KLF12: variants seen among roughly 807,000 people sequenced by gnomAD.
KLF12 encodes Krueppel-like factor 12.
In KLF12, 9 loss-of-function variants were observed where a neutral mutation model predicts 37.8. The observed-to-expected ratio is 0.24, with a 90% CI of 0.14 to 0.42. KLF12 has a LOEUF of 0.42. Among genes scored for constraint, KLF12 ranks in the 10% least tolerant of loss-of-function variants. KLF12 has a pLI of 1.00. For synonymous variants in KLF12, 208 were observed against 202.1 expected, an observed-to-expected ratio of 1.03 and a Z score of -0.25; for missense variants, 411 against 516.0, an observed-to-expected ratio of 0.80 and a Z score of 1.97.
intron 2 of KLF12, among the ~76,000 whole-genome samples, chr13:73,971,509 C>A (rs1891339110): frequency 6.6e-6 from 1 of 151,022 alleles, no homozygotes; most frequent in South Asian, 2.1e-4. Flanking sequence ...ACCTCCATGA[C>A]AGTATCTTTT....
chr13:74,131,564 G>A (rs1240030418), intron 1 of KLF12, among the ~76,000 whole-genome samples: 1 of 152,168 alleles, frequency 6.6e-6, no homozygotes, highest in Non-Finnish European at 1.5e-5. Context: ...GGGAGGTGGA[G>A]AATATTAAGG....
At chr13:73,742,137 T>C (rs1878042807) in intron 6 of KLF12, among the ~76,000 whole-genome samples, 1 of 152,042 alleles carries the variant, frequency 6.6e-6, no homozygotes. Context: ...GCAGAGTATT[T>C]AGAGATATAA....
intron 2 of KLF12, among the ~76,000 whole-genome samples, chr13:73,971,587 A>G (rs1891343043): frequency 6.6e-6 from 1 of 152,190 alleles, no homozygotes; most frequent in Non-Finnish European, 1.5e-5. Context: ...TGATTTTAAA[A>G]AAGCATGGTG....
the KLF12 span, among the ~76,000 whole-genome samples, chr13:74,287,119 C>T: frequency 6.6e-6 from 1 of 152,168 alleles, no homozygotes; most frequent in African/African-American, 2.4e-5. Context: ...CAGACCTCGG[C>T]TCACTGCTGC....
the KLF12 span, among the ~76,000 whole-genome samples, chr13:74,174,140 C>G: frequency 7.2e-5 from 11 of 152,234 alleles, no homozygotes; most frequent in East Asian, 2.1e-3. Context: ...ACAATAACCT[C>G]AGGTGGGAAG....
At chr13:74,084,988 A>G (rs745328541) in intron 1 of KLF12, among the ~76,000 whole-genome samples, 13 of 152,184 alleles carry the variant, frequency 8.5e-5, no homozygotes, top group Non-Finnish European at 4.4e-5. Flanking sequence ...TATATTACAT[A>G]AACAGTAGAG....
chr13:73,940,030 G>A (rs922794194), intron 3 of KLF12, among the ~76,000 whole-genome samples: 3 of 152,128 alleles, frequency 2.0e-5, no homozygotes, highest in African/African-American at 7.2e-5. Context: ...ACTTCCCAAT[G>A]TCATTCCAGC....
intron 3 of KLF12, among the ~76,000 whole-genome samples, chr13:73,882,001 G>A (rs142468135): frequency 2.8e-4 from 43 of 152,204 alleles, no homozygotes; most frequent in Admixed American, 7.2e-4. Context: ...CTTTGTCTAC[G>A]AAATGAACAG....
intron 1 of KLF12, among the ~76,000 whole-genome samples, chr13:74,032,833 C>T (rs112800422): frequency 0.071 from 10,808 of 152,088 alleles, 511 homozygotes; most frequent in Non-Finnish European, 0.1. Context: ...GATGGCTGAC[C>T]AATAAAAAGA....
chr13:74,303,529 C>A, the KLF12 span, among the ~76,000 whole-genome samples: 1 of 152,060 alleles, frequency 6.6e-6, no homozygotes, highest in Non-Finnish European at 1.5e-5. Context: ...GAGCTCAGAC[C>A]ATTTCTGTTT....
chr13:74,158,305 G>C, the KLF12 span, among the ~76,000 whole-genome samples: 57,531 of 152,108 alleles, frequency 0.38, 12,901 homozygotes, highest in East Asian at 0.78. Flanking sequence ...GGACTTAAAG[G>C]GGGGTGTAAG....
chr13:74,066,482 C>T (rs116123306), intron 1 of KLF12, among the ~76,000 whole-genome samples: 2,056 of 151,926 alleles, frequency 0.014, 45 homozygotes, highest in African/African-American at 0.047. Flanking sequence ...GGCAACATAG[C>T]GAGACCTTGT....
chr13:74,303,120 C>G, the KLF12 span, among the ~76,000 whole-genome samples: 17 of 152,256 alleles, frequency 1.1e-4, no homozygotes, highest in African/African-American at 4.1e-4. Flanking sequence ...GGTCATTCTT[C>G]CTTTAACCAT....
chr13:73,788,786 T>G (rs979588544), intron 5 of KLF12, among the ~76,000 whole-genome samples: 1 of 152,204 alleles, frequency 6.6e-6, no homozygotes, highest in African/African-American at 2.4e-5. Flanking sequence ...CCTCTGCAAT[T>G]AATTTTCTTA....
intron 5 of KLF12, among the ~76,000 whole-genome samples, chr13:73,773,881 C>T (rs1295287009): frequency 6.6e-6 from 1 of 152,102 alleles, no homozygotes; most frequent in African/African-American, 2.4e-5. Flanking sequence ...CTTACCAGCC[C>T]CACCTAGTTT....
chr13:73,935,510 T>C (rs1179289772), intron 3 of KLF12, among the ~76,000 whole-genome samples: 1 of 152,160 alleles, frequency 6.6e-6, no homozygotes, highest in Non-Finnish European at 1.5e-5. Context: ...CATTAATGGC[T>C]TGGTGTTGTC....
At chr13:73,840,686 G>A (rs1884690466) in intron 4 of KLF12, among the ~76,000 whole-genome samples, 1 of 152,074 alleles carries the variant, frequency 6.6e-6, no homozygotes, top group Non-Finnish European at 1.5e-5. Flanking sequence ...GTGGTTCAAC[G>A]ATTTTTGTAA....
At chr13:74,235,040 C>A in the KLF12 span, among the ~76,000 whole-genome samples, 1 of 152,086 alleles carries the variant, frequency 6.6e-6, no homozygotes, top group African/African-American at 2.4e-5. Context: ...ATGCAAGAAA[C>A]CAAAATGGAC....
intron 1 of KLF12, among the ~76,000 whole-genome samples, chr13:74,065,567 T>C (rs1317318265): frequency 6.6e-6 from 1 of 152,086 alleles, no homozygotes; most frequent in Non-Finnish European, 1.5e-5. Flanking sequence ...GATGAGAATA[T>C]GAGTGTTTGT....
Sources: gnomAD v4.1 joint callset for allele counts (sites outside exome capture counted in the v4.1 genomes callset) on GRCh38, gnomAD v4.1.1 for gene constraint, MANE v1.5 for transcripts, NCBI Gene and HGNC (gene_info 2026-07-23, HGNC 2026-07-21) for gene names.